Variants in DNAH8 observed in about 807,000 individuals in gnomAD.
DNAH8 encodes the protein axonemal beta dynein heavy chain 8.
A neutral mutation model predicts 562.1 loss-of-function variants in DNAH8; 382 were observed. The ratio of observed to expected loss-of-function variants is 0.68; its 90% CI spans 0.63 to 0.74. The LOEUF is 0.74. DNAH8 is among the 30% of genes least tolerant of loss of function. DNAH8 has a pLI of 0.00. For synonymous variants in DNAH8, 1,881 were observed against 1,919.4 expected, an observed-to-expected ratio of 0.98 and a Z score of 0.52; for missense variants, 5,203 against 5,620.4, an observed-to-expected ratio of 0.93 and a Z score of 2.37.
At chr6:38,789,968 T>A in intron 19 of DNAH8, 85 bp downstream of exon 19, 1 of 1,029,654 alleles carries the variant, frequency 9.7e-7, no homozygotes, top group Non-Finnish European at 1.5e-6. Flanking sequence ...TTGGAACATC[T>A]ATTCTTCTTT....
chr6:38,862,337 A>C lies in DNAH8; in HGVS notation c.6189A>C (p.Gly2063=). ...LGMNMGGAPA[G]PAGTGKTETT... is the part of the protein sequence containing the mutation. ...TGAACATGGGAGGTGCTCCCGCAGG[A>C]CCTGCTGGCACTGGCAAAACAGAAA... Residue 2063 remains glycine, a synonymous_variant, in exon 44 of 93, where the codon GGA becomes GGC. Coordinates refer to ENST00000327475, the MANE Select transcript of DNAH8 (RefSeq NM_001206927.2). 1.2e-6 allele frequency: 2 copies of C among 1,614,152 alleles called. No homozygotes were observed. Among genetic ancestry groups the C allele is most frequent in the Non-Finnish European group, 1.7e-6 (2 of 1,179,996 alleles).
At chr6:38,859,391 A>G (rs968754253) in intron 42 of DNAH8, among the ~76,000 whole-genome samples, 3 of 152,212 alleles carry the variant, frequency 2.0e-5, no homozygotes, top group Non-Finnish European at 4.4e-5. Flanking sequence ...TAACCAAACA[A>G]CAAACAACAA....
chr6:38,920,990 A>G (rs900886585), intron 70 of DNAH8, among the ~76,000 whole-genome samples: 5 of 152,098 alleles, frequency 3.3e-5, no homozygotes, highest in South Asian at 2.1e-4. Context: ...TCCGGGGCCC[A>G]AGTGATCCTC....
rs374423657 is a variant in DNAH8, at chr6:38,921,766, C to T, written c.10662+260C>T. On this transcript the variant is annotated intron_variant, in intron 71 of 92. Transcript: ENST00000327475. ...TTGTGTGGTTTGGGGCTTTCACGCG[C>T]GTCCATGTGAAGAGACCACCAAACA... Among the ~76,000 whole-genome samples, 217 of 152,270 alleles carry T rather than the reference C, an allele frequency of 1.4e-3. No homozygotes were observed. The Middle Eastern group carries it at 0.024, about 17-fold the overall frequency.
chr6:38,986,425 CT>C (rs1764402463), intron 87 of DNAH8, among the ~76,000 whole-genome samples: 1 of 152,022 alleles, frequency 6.6e-6, no homozygotes, highest in Admixed American at 6.6e-5. Flanking sequence ...ATCAAGTACA[CT>C]TAAATAGATG....
intron 82 of DNAH8, among the ~76,000 whole-genome samples, chr6:38,956,315 G>A (rs567873869): frequency 2.0e-5 from 3 of 152,148 alleles, no homozygotes; most frequent in Non-Finnish European, 4.4e-5. Context: ...GGATCTACTG[G>A]GAGATACATG....
intron 8 of DNAH8, among the ~76,000 whole-genome samples, chr6:38,745,558 G>A (rs776939128): frequency 1.3e-5 from 2 of 152,104 alleles, no homozygotes; most frequent in Non-Finnish European, 2.9e-5. Flanking sequence ...ATTGTACAAT[G>A]ATCAAAATGA....
rs548191993 is a variant in DNAH8 at position 38,741,874 on chromosome 6, C to T, written c.1280C>T (p.Ser427Phe). Residue 427 changes from serine (S) to phenylalanine (F), a missense_variant, in exon 8 of 93, where the codon TCC becomes TTC. Ser to Phe is a radical substitution (Grantham distance 155, BLOSUM62 -2). Transcript: ENST00000327475. ...ATAAATGTGCTAAATGTTGCACACT[C>T]CAAACTGCTAAAGGTAAAAGGCTTT... The part of the protein sequence containing the change: ...AVINVLNVAH[S>F]KLLKNWRDLD... The T allele has an allele frequency of 1.2e-6, 2 of 1,609,994 alleles. No individual in the cohort carries two copies. The highest frequency in any genetic ancestry group is 2.2e-5 in the South Asian group (2 of 89,642).
At chr6:38,887,133 T>C in intron 57 of DNAH8, 129 bp downstream of exon 57, 1 of 636,326 alleles carries the variant, frequency 1.6e-6, no homozygotes, top group South Asian at 1.9e-5. Flanking sequence ...AGCTAAACAC[T>C]AGGAAAGAGG....
At chr6:38,913,709 T>C (rs1297721841) in intron 66 of DNAH8, 140 bp from the exon 67 acceptor site, 4 of 507,702 alleles carry the variant, frequency 7.9e-6, no homozygotes, top group Admixed American at 6.2e-5. Flanking sequence ...AAGACATGTA[T>C]ATTTTTAAAG....
chr6:38,890,732 G>A lies in DNAH8; in HGVS notation c.8554G>A (p.Val2852Met). ...TGAGATGATTGTGAATTTAGTCTCA[G>A]TGGGTAGAGTGCTGTGGCAATGGAC... Reference protein sequence around the residue: ...ICEMIVNLVSVGRVLWQWTKV... With the variant: ...ICEMIVNLVSMGRVLWQWTKV... The change falls in exon 58 of 93, where the codon GTG (valine) becomes ATG (methionine). Residue 2852 changes from valine to methionine, a missense_variant. Val to Met is a conservative substitution (Grantham distance 21, BLOSUM62 1). This residue lies in a region of DNAH8 where 977 missense variants were observed against 1,061.8 expected (regional missense o/e 0.92). Transcript: ENST00000327475. 1 of 1,613,638 alleles carries A rather than the reference G, an allele frequency of 6.2e-7. No homozygotes were observed. The highest frequency in any genetic ancestry group is 2.2e-5 in the East Asian group (1 of 44,864).
intron 67 of DNAH8, 149 bp downstream of exon 67, chr6:38,914,101 G>T: frequency 5.0e-6 from 3 of 603,580 alleles, no homozygotes; most frequent in Admixed American, 2.6e-5. Context: ...AGACATTTTT[G>T]TTTAACTTAT....
chr6:38,964,414 C>A (rs534459353), intron 82 of DNAH8, among the ~76,000 whole-genome samples: 8 of 141,940 alleles, frequency 5.6e-5, no homozygotes, highest in Middle Eastern at 3.6e-3. Flanking sequence ...GGGCTCCTCA[C>A]TTCCCAGTAG....
In DNAH8 at chr6:38,781,282, C is replaced by T. The variant is rs201100607; in HGVS notation, c.2168C>T (p.Pro723Leu). 3 of 1,613,638 alleles carry T rather than the reference C, an allele frequency of 1.9e-6. No individual in the cohort carries two copies. Among genetic ancestry groups the T allele is most frequent in the Admixed American group, 1.7e-5 (1 of 59,982 alleles). The change falls in exon 16 of 93, where the codon CCT becomes CTT. Residue 723 changes from proline to leucine, a missense_variant. By Grantham distance (98) the Pro-to-Leu change is moderately conservative. Around this residue, in one of 6 missense-constraint regions of DNAH8, gnomAD observed 2,176 missense variants for 2,365.1 expected, o/e 0.92. Coordinates refer to ENST00000327475, the MANE Select transcript of DNAH8 (RefSeq NM_001206927.2). ...KLYHSQKDDP[P>L]LARNMPPIAG... ...TATCATTCTCAGAAAGATGACCCCC[C>T]TCTTGCTCGCAACATGCCCCCTATA...
intron 74 of DNAH8, 117 bp downstream of exon 74, chr6:38,926,327 C>T: frequency 8.5e-7 from 1 of 1,175,106 alleles, no homozygotes; most frequent in Non-Finnish European, 1.2e-6. Flanking sequence ...TGCTAATTCA[C>T]ACTCTTGAGT....
intron 91 of DNAH8, among the ~76,000 whole-genome samples, chr6:39,015,767 A>G (rs1229607105): frequency 6.6e-6 from 1 of 152,146 alleles, no homozygotes. Flanking sequence ...AATAATACTT[A>G]TCTTTTCCCT....
intron 11 of DNAH8, among the ~76,000 whole-genome samples, chr6:38,762,689 C>T (rs578083705): frequency 5.3e-5 from 8 of 152,324 alleles, no homozygotes; most frequent in Admixed American, 2.6e-4. Context: ...CAGGAAGGCT[C>T]CATCTGGAAG....
In DNAH8 at chr6:38,979,452, A is replaced by G. The variant is rs1583495553; in HGVS notation, c.12835-2894A>G. ...AAAACCCCTTGCTTTGATCTTCCAA[A>G]TGAGTTCTTAGGTTCTAGTTGTTTG... is the stretch of plus-strand genomic sequence containing the variant. On this transcript the variant is annotated intron_variant, in intron 85 of 92. Coordinates refer to ENST00000327475, the MANE Select transcript of DNAH8 (RefSeq NM_001206927.2). Among the ~76,000 whole-genome samples the G allele has an allele frequency of 2.0e-5, 3 of 152,176 alleles. No homozygotes were observed. The East Asian group carries it at 5.8e-4, about 29-fold the overall frequency.
chr6:38,909,655 C>G lies in DNAH8; in HGVS notation c.9651C>G (p.Val3217=), dbSNP rs2150527103. Residue 3217 remains valine (V), a synonymous_variant, in exon 65 of 93, where the codon GTC becomes GTG. Transcript: ENST00000327475. ...ASYFLSDYNI[V]CSSEIKRQVV... ...ACTTCCTTTCAGACTATAATATTGT[C>G]TGCTCTAGTGAAATTAAAAGACAAG... 1.2e-6 allele frequency: 2 copies of G among 1,614,134 alleles called. No individual in the cohort carries two copies. The highest frequency in any genetic ancestry group is 2.2e-5 in the East Asian group (1 of 44,866).
Sources: allele counts gnomAD v4.1 joint callset (sites outside exome capture counted in the v4.1 genomes callset), GRCh38; gene constraint gnomAD v4.1.1; regional missense constraint gnomAD v4.1.1; transcripts MANE v1.5; gene names NCBI Gene and HGNC (gene_info 2026-07-23, HGNC 2026-07-21).